The following LRP1B variants were observed in gnomAD, a reference collection of about 807,000 sequenced individuals.
LRP1B encodes the protein LDL receptor related protein 1B, also known as low-density lipoprotein receptor-related protein 1B.
Under a neutral mutation model 556.6 loss-of-function variants are expected in LRP1B, and 217 were observed. The ratio of observed to expected loss-of-function variants is 0.39; its 90% CI spans 0.35 to 0.44. The LOEUF is 0.44. LRP1B is among the 20% of genes least tolerant of loss of function. The probability of loss-of-function intolerance (pLI) is 1.00; values close to 1 mark genes in which losing one functional copy is unlikely to be tolerated. For missense variants in LRP1B, 5,053 were observed against 5,620.8 expected (o/e 0.90, Z 3.23); for synonymous variants, 2,047 against 1,865.8 (o/e 1.10, Z -2.50).
chr2:142,015,962 A>C (rs1234990499), intron 1 of LRP1B, among the ~76,000 whole-genome samples: 1 of 138,288 alleles, frequency 7.2e-6, no homozygotes, highest in East Asian at 2.5e-4. Flanking sequence ...ACTGCACTCC[A>C]GCCTGGGCAA....
chr2:141,874,917 G>T (rs189286695), intron 1 of LRP1B, among the ~76,000 whole-genome samples: 146 of 151,750 alleles, frequency 9.6e-4, no homozygotes, highest in African/African-American at 3.4e-3. Flanking sequence ...GCTCTTAAAG[G>T]CAAGTAAAAA....
intron 3 of LRP1B, among the ~76,000 whole-genome samples, chr2:141,331,522 C>CTTTTCTTTCTTTCTTTCTTTCTT (rs10694161): frequency 1.4e-5 from 2 of 140,716 alleles, no homozygotes; most frequent in Admixed American, 7.1e-5. Flanking sequence ...TTCTTTCTTT[C>CTTTTCTTTCTTTCTTTCTTTCTT]TCTTTCTTTC....
intron 3 of LRP1B, among the ~76,000 whole-genome samples, chr2:141,410,427 T>C (rs554862392): frequency 6.6e-6 from 1 of 152,148 alleles, no homozygotes; most frequent in African/African-American, 2.4e-5. Context: ...ATGATATAGG[T>C]CCATATTAAG....
At chr2:141,289,236 A>G (rs1025185359) in intron 3 of LRP1B, among the ~76,000 whole-genome samples, 1 of 151,866 alleles carries the variant, frequency 6.6e-6, no homozygotes, top group Non-Finnish European at 1.5e-5. Flanking sequence ...TACAAAAAAA[A>G]TTAGCCGGGG....
chr2:141,047,849 T>C (rs1331746229), intron 11 of LRP1B, among the ~76,000 whole-genome samples: 2 of 152,096 alleles, frequency 1.3e-5, no homozygotes, highest in African/African-American at 2.4e-5. Context: ...TCTCCCTCTT[T>C]AATGTTTCTC....
Position 141,115,458 on chromosome 2 carries a change from G to GTTTTT in LRP1B, c.1014-53190_1014-53186dup, listed in dbSNP as rs70991138. ...GCAAAATGAATAGGTTTTTGTTTTT[G>GTTTTT]TTTTTTTTTTTTTTTTGAGATGGAT... On this transcript the variant is annotated intron_variant, in intron 7 of 90. Coordinates refer to ENST00000389484, the MANE Select transcript of LRP1B (RefSeq NM_018557.3). 7.6e-3 allele frequency among the ~76,000 whole-genome samples: 918 copies of GTTTTT among 120,352 alleles called. 38 individuals carry two copies. Among genetic ancestry groups the GTTTTT allele is most frequent in the African/African-American group, 0.022 (709 of 32,106 alleles). 79.0% of individuals were successfully genotyped at this position (120,352 alleles called of 152,430 possible).
intron 66 of LRP1B, among the ~76,000 whole-genome samples, chr2:140,436,662 C>G (rs1322435177): frequency 6.8e-6 from 1 of 146,968 alleles, no homozygotes; most frequent in Non-Finnish European, 1.5e-5. Context: ...AGTGTCATCT[C>G]AAAAATGAGT....
chr2:140,690,992 A>G (rs112749126), intron 41 of LRP1B, among the ~76,000 whole-genome samples: 7 of 152,172 alleles, frequency 4.6e-5, no homozygotes, highest in Non-Finnish European at 1.0e-4. Flanking sequence ...ACATTTTGAG[A>G]ACGAATGTCT....
chr2:140,838,303 A>G (rs190222319), intron 31 of LRP1B, among the ~76,000 whole-genome samples: 2 of 152,280 alleles, frequency 1.3e-5, no homozygotes, highest in East Asian at 1.9e-4. Context: ...AGTCCTTTGT[A>G]TGGGTCCTAA....
At chr2:140,338,342 A>G (rs182586124) in intron 77 of LRP1B, among the ~76,000 whole-genome samples, 1 of 151,882 alleles carries the variant, frequency 6.6e-6, no homozygotes, top group Non-Finnish European at 1.5e-5. Context: ...CTCACAATAA[A>G]CTAAATGCTT....
intron 82 of LRP1B, among the ~76,000 whole-genome samples, chr2:140,320,668 T>C (rs1009291464): frequency 1.3e-5 from 2 of 152,014 alleles, no homozygotes; most frequent in Non-Finnish European, 2.9e-5. Context: ...GTTCAAGCTG[T>C]CCTCTGGTCT....
At chr2:141,066,010 T>C (rs557327057) in intron 7 of LRP1B, among the ~76,000 whole-genome samples, 1 of 151,982 alleles carries the variant, frequency 6.6e-6, no homozygotes, top group Non-Finnish European at 1.5e-5. Flanking sequence ...TTTTTTGTTA[T>C]GCAGCAAAAA....
Position 141,318,001 on chromosome 2 carries a change from C to T in LRP1B, c.344-63360G>A, listed in dbSNP as rs968642364. 7.2e-5 allele frequency among the ~76,000 whole-genome samples: 11 copies of T among 152,018 alleles called. No homozygotes were observed. The East Asian group carries it at 1.9e-3, about 27-fold the overall frequency. On this transcript the variant is annotated intron_variant, in intron 3 of 90. Coordinates refer to ENST00000389484, the MANE Select transcript of LRP1B (RefSeq NM_018557.3). ...CTGAGCCATTCTTGCACTGTCAGTC[C>T]CTCATGCAGTCAAAACAACAAAACA...
chr2:140,386,235 A>G (rs1683755897), intron 66 of LRP1B, among the ~76,000 whole-genome samples: 1 of 152,152 alleles, frequency 6.6e-6, no homozygotes, highest in Admixed American at 6.5e-5. Flanking sequence ...TCAGTAAGAA[A>G]CCGATTGGAC....
At chr2:140,680,385 G>A (rs1375001807) in intron 41 of LRP1B, among the ~76,000 whole-genome samples, 2 of 151,050 alleles carry the variant, frequency 1.3e-5, no homozygotes, top group African/African-American at 2.4e-5. Flanking sequence ...TCTGCATCTC[G>A]TTATTGGACT....
At chr2:141,334,806 C>A (rs1421324161) in intron 3 of LRP1B, among the ~76,000 whole-genome samples, 1 of 152,164 alleles carries the variant, frequency 6.6e-6, no homozygotes, top group African/African-American at 2.4e-5. Flanking sequence ...CCCGCCTCAG[C>A]CTCCCAAAGT....
At chr2:141,351,740 G>A (rs773183969) in intron 3 of LRP1B, among the ~76,000 whole-genome samples, 4 of 151,898 alleles carry the variant, frequency 2.6e-5, no homozygotes, top group Non-Finnish European at 2.9e-5. Flanking sequence ...ACATGCTTGA[G>A]GGAGATTAAA....
intron 3 of LRP1B, among the ~76,000 whole-genome samples, chr2:141,301,883 C>T (rs1473290678): frequency 6.6e-6 from 1 of 152,098 alleles, no homozygotes; most frequent in Non-Finnish European, 1.5e-5. Flanking sequence ...AAAAAACAGA[C>T]CATTGTGGGT....
chr2:140,831,387 A>G (rs1573776992), intron 31 of LRP1B, among the ~76,000 whole-genome samples: 2 of 152,164 alleles, frequency 1.3e-5, no homozygotes, highest in South Asian at 2.1e-4. Flanking sequence ...CAGCCAATAC[A>G]TTTTTGACAA....
Sources: allele counts gnomAD v4.1 joint callset (sites outside exome capture counted in the v4.1 genomes callset), GRCh38; gene constraint gnomAD v4.1.1; transcripts MANE v1.5; gene names NCBI Gene and HGNC (gene_info 2026-07-23, HGNC 2026-07-21).